The following ZNF536 variants were observed in gnomAD, a reference collection of about 807,000 sequenced individuals.
ZNF536 encodes the protein zinc finger protein 536.
In ZNF536, 13 loss-of-function variants were observed where a neutral mutation model predicts 84.5. The ratio of observed to expected loss-of-function variants is 0.15; its 90% confidence interval spans 0.10 to 0.24. The LOEUF is 0.24. ZNF536 is among the 10% of genes least tolerant of loss of function. The probability of loss-of-function intolerance (pLI) is 1.00; values close to 1 mark genes in which losing one functional copy is unlikely to be tolerated. For missense variants in ZNF536, 1,536 were observed against 1,747.5 expected (o/e 0.88, Z 2.16); for synonymous variants, 811 against 742.5 (o/e 1.09, Z -1.50).
intron 2 of ZNF536, among the ~76,000 whole-genome samples, chr19:30,291,823 T>A (rs1437003897): frequency 1.3e-5 from 2 of 152,234 alleles, no homozygotes; most frequent in African/African-American, 4.8e-5. Context: ...TGTTCTCATA[T>A]GGCCTATGAT....
intron 2 of ZNF536, among the ~76,000 whole-genome samples, chr19:30,337,289 C>T (rs1409875594): frequency 3.3e-5 from 5 of 152,220 alleles, no homozygotes; most frequent in East Asian, 1.9e-4. Flanking sequence ...GGCTGGCGTC[C>T]GCAATCTCCC....
At chr19:30,646,917 C>T in intron 1 of ZNF536, among the ~76,000 whole-genome samples, 1 of 152,168 alleles carries the variant, frequency 6.6e-6, no homozygotes, top group East Asian at 1.9e-4. Context: ...AGTCAGTCTC[C>T]TTTTTTTATC....
intron 2 of ZNF536, among the ~76,000 whole-genome samples, chr19:30,484,591 C>T: frequency 6.6e-6 from 1 of 151,640 alleles, no homozygotes. Flanking sequence ...TTTCTCTGTG[C>T]TCTTAGCCCA....
chr19:30,383,456 T>C (rs2049102835), intron 1 of ZNF536, among the ~76,000 whole-genome samples: 2 of 152,182 alleles, frequency 1.3e-5, no homozygotes, highest in South Asian at 4.1e-4. Flanking sequence ...CAGGAGGCCC[T>C]GTGGAGGTGG....
chr19:30,680,047 T>C (rs1286794798), intron 1 of ZNF536, among the ~76,000 whole-genome samples: 1 of 151,734 alleles, frequency 6.6e-6, no homozygotes, highest in Non-Finnish European at 1.5e-5. Context: ...CTGGACAAGG[T>C]TGGGGTGTGT....
chr19:30,353,629 G>A (rs577149770), intron 3 of ZNF536, among the ~76,000 whole-genome samples: 23 of 152,112 alleles, frequency 1.5e-4, no homozygotes, highest in Non-Finnish European at 3.2e-4. Flanking sequence ...GAGCTGTTTG[G>A]CTAGTTCCTT....
At chr19:30,662,962 CT>C (rs951081577) in intron 1 of ZNF536, among the ~76,000 whole-genome samples, 3,485 of 78,796 alleles carry the variant, frequency 0.044, 22 homozygotes, top group South Asian at 0.066. Context: ...TTTTTCGTTT[CT>C]TTTTTTTTTT....
At chr19:30,460,961 G>GC (rs1391119594) in intron 2 of ZNF536, among the ~76,000 whole-genome samples, 1 of 152,142 alleles carries the variant, frequency 6.6e-6, no homozygotes, top group Non-Finnish European at 1.5e-5. Context: ...CAAGATGCCT[G>GC]CCCCCCAAAC....
intron 1 of ZNF536, among the ~76,000 whole-genome samples, chr19:30,405,961 A>G (rs530828891): frequency 1.2e-3 from 187 of 152,234 alleles, no homozygotes; most frequent in African/African-American, 4.3e-3. Context: ...TATTTTTCGT[A>G]GAGACGGGAT....
At chr19:30,229,147 G>A (rs2022821597) in intron 1 of ZNF536, among the ~76,000 whole-genome samples, 1 of 152,080 alleles carries the variant, frequency 6.6e-6, no homozygotes. Context: ...GTGTGTTTGC[G>A]CTGTGCTTTT....
At chr19:30,260,780 A>G (rs1317101648) in intron 1 of ZNF536, among the ~76,000 whole-genome samples, 1 of 152,178 alleles carries the variant, frequency 6.6e-6, no homozygotes, top group Non-Finnish European at 1.5e-5. Context: ...GAGCAGGAGA[A>G]GCAGGTACAA....
chr19:30,484,546 A>T (rs2054220492), intron 2 of ZNF536, among the ~76,000 whole-genome samples: 1 of 151,600 alleles, frequency 6.6e-6, no homozygotes, highest in South Asian at 2.1e-4. Flanking sequence ...TGATTCTTTA[A>T]TATATCAAGT....
At position 30,548,026 on chromosome 19, in the gene ZNF536, C is replaced by T. The variant is rs140147461; in HGVS notation, c.2407C>T (p.Arg803Trp). Residue 803 changes from arginine to tryptophan, a missense_variant, in exon 4 of 5, where the codon CGG becomes TGG. Physicochemically the swap from Arg to Trp is moderately radical, Grantham distance 101. Around this residue, in one of 8 missense-constraint regions of ZNF536, gnomAD observed 148 missense variants for 205.4 expected, o/e 0.72. Coordinates refer to ENST00000355537, the MANE Select transcript of ZNF536 (RefSeq NM_014717.3). ...AAAATACCACTTAGAGCGACACCATCGGGAGCGGCAGAACGGGGCTGGGCC... is the reference window on the plus strand; with the variant it reads ...AAAATACCACTTAGAGCGACACCATTGGGAGCGGCAGAACGGGGCTGGGCC... ...SLKYHLERHH[R>W]ERQNGAGPLS... The T allele has an allele frequency of 7.9e-4, 1,274 of 1,613,690 alleles. 3 individuals carry two copies. Among genetic ancestry groups the T allele is most frequent in the Non-Finnish European group, 1.1e-3 (1,247 of 1,179,842 alleles).
intron 1 of ZNF536, among the ~76,000 whole-genome samples, chr19:30,230,438 G>T (rs2022946444): frequency 6.6e-6 from 1 of 152,182 alleles, no homozygotes; most frequent in Non-Finnish European, 1.5e-5. Context: ...CTTGTTCTGT[G>T]CCTGGAGTGG....
In ZNF536 at chr19:30,605,159, C is replaced by A. The variant is rs138322371; in HGVS notation, c.169+55645C>A. Among the ~76,000 whole-genome samples the A allele has an allele frequency of 1.1e-4, 16 of 152,194 alleles. No individual in the cohort carries two copies. The East Asian group carries it at 2.9e-3, about 28-fold the overall frequency. On this transcript the variant is annotated intron_variant, in intron 1 of 1. Transcript: ENST00000592773. ...TGTAGGAAGGTAATAGTGGATGGTG[C>A]GAAATGCTTTTTTTGTTTGTTTTCT...
At chr19:30,606,131 G>A (rs912636776) in intron 1 of ZNF536, among the ~76,000 whole-genome samples, 2 of 146,244 alleles carry the variant, frequency 1.4e-5, no homozygotes, top group Non-Finnish European at 3.0e-5. Flanking sequence ...TCCAGGCTGG[G>A]TGACAAAGTG....
chr19:30,600,262 T>C (rs1178191640), intron 1 of ZNF536, among the ~76,000 whole-genome samples: 1 of 152,084 alleles, frequency 6.6e-6, no homozygotes, highest in Non-Finnish European at 1.5e-5. Context: ...TTGGCTATTT[T>C]TTGTATTTTT....
chr19:30,465,610 G>T (rs558351363), intron 2 of ZNF536, among the ~76,000 whole-genome samples: 6 of 152,320 alleles, frequency 3.9e-5, no homozygotes, highest in East Asian at 1.9e-4. Context: ...CACGTAACAG[G>T]TTGGGTGTGG....
In ZNF536 at chr19:30,548,188, C is replaced by G. The variant is rs2146188681; in HGVS notation, c.2569C>G (p.Gln857Glu). 6.2e-7 allele frequency: 1 copy of G among 1,614,188 alleles called. No individual in the cohort carries two copies. Among genetic ancestry groups the G allele is most frequent in the Non-Finnish European group, 8.5e-7 (1 of 1,180,046 alleles). ...GIDFRGGPAS[Q>E]QWTSGVLSSG... is the part of the protein sequence containing the mutation. ...CGACTTCAGAGGAGGCCCTGCATCT[C>G]AGCAGTGGACATCAGGGGTTCTCTC... The change falls in exon 4 of 5, where the codon CAG (glutamine) becomes GAG (glutamate). Residue 857 changes from glutamine to glutamate, a missense_variant. By Grantham distance (29) the Gln-to-Glu change is conservative (BLOSUM62 2). This residue lies in a region of ZNF536 where 624 missense variants were observed against 603.1 expected (regional missense o/e 1.03). Coordinates refer to ENST00000355537, the MANE Select transcript of ZNF536 (RefSeq NM_014717.3).
Sources: allele counts gnomAD v4.1 joint callset (sites outside exome capture counted in the v4.1 genomes callset), GRCh38; gene constraint gnomAD v4.1.1; regional missense constraint gnomAD v4.1.1; transcripts MANE v1.5; gene names NCBI Gene and HGNC (gene_info 2026-07-23, HGNC 2026-07-21).